Variants in RALYL observed in about 807,000 individuals in gnomAD.
RALYL encodes RALY RNA binding protein like, also known as RNA-binding Raly-like protein.
In RALYL, 29 loss-of-function variants were observed where a neutral mutation model predicts 35.1. The observed-to-expected ratio is 0.83, with a 90% CI of 0.61 to 1.13. The LOEUF is 1.13. RALYL is among the 50% of genes most tolerant of loss of function. The pLI, the probability that RALYL is intolerant of heterozygous loss-of-function variation, is 0.00. For missense variants in RALYL, 359 were observed against 360.4 expected (o/e 1.00, Z 0.03); for synonymous variants, 120 against 127.6 (o/e 0.94, Z 0.40).
In RALYL at chr8:84,486,876, A is replaced by G. The variant is rs117785965; in HGVS notation, c.-23-42423A>G. ...TAAAAAATTTGTAAGTGTACTCTAC[A>G]GAATTGTTAATTATAGGAATAATGT... On this transcript the variant is annotated intron_variant, in intron 1 of 8. Coordinates refer to ENST00000521268, the MANE Select transcript of RALYL (RefSeq NM_173848.7). Among the ~76,000 whole-genome samples, 341 of 152,232 alleles carry G rather than the reference A, an allele frequency of 2.2e-3. 4 individuals are homozygous for G. The East Asian group carries it at 0.041, about 18-fold the overall frequency.
chr8:84,892,676 A>G (rs1357796542), intron 8 of RALYL, among the ~76,000 whole-genome samples: 1 of 151,786 alleles, frequency 6.6e-6, no homozygotes, highest in Non-Finnish European at 1.5e-5. Flanking sequence ...CGTTGTGCAC[A>G]TGTACCCTAA....
intron 2 of RALYL, among the ~76,000 whole-genome samples, chr8:84,672,075 C>T (rs763137612): frequency 1.7e-4 from 26 of 152,306 alleles, no homozygotes; most frequent in South Asian, 1.2e-3. Flanking sequence ...ACCCAAGTCA[C>T]ATCTCTAATA....
At chr8:84,336,968 ACACTACTAGTGTTTGTATT>A (rs370479499) in intron 1 of RALYL, among the ~76,000 whole-genome samples, 4,400 of 151,288 alleles carry the variant, frequency 0.029, 110 homozygotes, top group Non-Finnish European at 0.035. Context: ...GGAAATCTGC[ACACTACTAGTGTTTGTATT>A]CATATTTTTT....
intron 2 of RALYL, among the ~76,000 whole-genome samples, chr8:84,728,878 C>A (rs953001860): frequency 9.2e-5 from 14 of 152,082 alleles, no homozygotes; most frequent in African/African-American, 2.4e-4. Context: ...GTTACTGTAG[C>A]CTTGTAGTGT....
intron 8 of RALYL, among the ~76,000 whole-genome samples, chr8:84,901,432 A>T (rs1022545209): frequency 1.3e-5 from 2 of 152,162 alleles, no homozygotes; most frequent in Non-Finnish European, 2.9e-5. Flanking sequence ...CCAGAGCTAC[A>T]TTTTTACATT....
intron 1 of RALYL, among the ~76,000 whole-genome samples, chr8:84,417,925 G>T (rs994658607): frequency 6.6e-6 from 1 of 152,012 alleles, no homozygotes; most frequent in African/African-American, 2.4e-5. Flanking sequence ...TTCTCTATTT[G>T]GTTCTTCTTT....
intron 2 of RALYL, among the ~76,000 whole-genome samples, chr8:84,611,975 TTAAA>T (rs1174185306): frequency 2.0e-5 from 3 of 152,140 alleles, no homozygotes; most frequent in Admixed American, 6.6e-5. Context: ...CTCCATTTTT[TTAAA>T]TAAATTTACT....
In RALYL at chr8:84,545,763, C is replaced by T. The variant is rs568868767; in HGVS notation, c.256+16186C>T. On this transcript the variant is annotated intron_variant, in intron 2 of 8. Transcript: ENST00000521268. Reference sequence around the variant, plus strand: ...GTTTTCATATATGAATGCTACTGAGCTTTGGGGGAGTAATATTATAATGAC... The same window carrying T: ...GTTTTCATATATGAATGCTACTGAGTTTTGGGGGAGTAATATTATAATGAC... 5.3e-5 allele frequency among the ~76,000 whole-genome samples: 8 copies of T among 152,076 alleles called. No individual in the cohort carries two copies. In the East Asian group the frequency reaches 1.5e-3, roughly 29 times the overall value.
chr8:84,605,802 G>C (rs1816997312), intron 2 of RALYL, among the ~76,000 whole-genome samples: 1 of 152,030 alleles, frequency 6.6e-6, no homozygotes, highest in African/African-American at 2.4e-5. Flanking sequence ...TTACATACTG[G>C]GGGAGAACAC....
chr8:84,556,613 A>T (rs146483915), intron 2 of RALYL, among the ~76,000 whole-genome samples: 15 of 152,312 alleles, frequency 9.8e-5, no homozygotes, highest in African/African-American at 3.1e-4. Context: ...CCTTGTAATG[A>T]CTTTTTGTAG....
intron 8 of RALYL, among the ~76,000 whole-genome samples, chr8:84,911,190 G>A (rs1490549176): frequency 6.6e-6 from 1 of 151,904 alleles, no homozygotes; most frequent in Non-Finnish European, 1.5e-5. Context: ...GAAATCTGAG[G>A]CTTAATTTCC....
intron 4 of RALYL, among the ~76,000 whole-genome samples, chr8:84,824,048 A>G (rs913367287): frequency 3.9e-5 from 6 of 152,162 alleles, no homozygotes; most frequent in Non-Finnish European, 4.4e-5. Flanking sequence ...CAAGTCATAC[A>G]TATGGGAAAA....
At chr8:84,330,717 C>T (rs182720891) in intron 1 of RALYL, among the ~76,000 whole-genome samples, 8 of 151,972 alleles carry the variant, frequency 5.3e-5, no homozygotes, top group Admixed American at 2.6e-4. Flanking sequence ...AAATTCTACC[C>T]GACTCACTTC....
At chr8:84,299,032 A>T (rs976224088) in intron 1 of RALYL, among the ~76,000 whole-genome samples, 6 of 151,908 alleles carry the variant, frequency 3.9e-5, no homozygotes, top group Admixed American at 6.6e-5. Context: ...CTCTGTTTCT[A>T]TTTGGATGCC....
intron 8 of RALYL, among the ~76,000 whole-genome samples, chr8:84,899,499 G>T (rs1222383278): frequency 2.6e-5 from 4 of 152,010 alleles, no homozygotes; most frequent in Non-Finnish European, 4.4e-5. Context: ...TTTATTGTCT[G>T]TCATAATCAG....
chr8:84,663,140 A>C (rs1463451255), intron 2 of RALYL, among the ~76,000 whole-genome samples: 2 of 152,146 alleles, frequency 1.3e-5, no homozygotes, highest in Non-Finnish European at 2.9e-5. Context: ...AGCTCCATCC[A>C]TGTCCCTGCA....
chr8:84,767,035 T>A (rs1814263646), intron 2 of RALYL, among the ~76,000 whole-genome samples: 1 of 152,076 alleles, frequency 6.6e-6, no homozygotes. Context: ...GAGAGTCACA[T>A]CTATTTGGGT....
Position 84,889,508 on chromosome 8 carries a change from A to G in RALYL, c.858+1732A>G, listed in dbSNP as rs1369848623. Among the ~76,000 whole-genome samples, 3 of 152,240 alleles carry G rather than the reference A, an allele frequency of 2.0e-5. No homozygotes were observed. In the East Asian group the frequency reaches 5.8e-4, roughly 29 times the overall value. ...TTTTCCCTCCATGCTCCCACTTTAA[A>G]TATTGGGTAGCTCAGGGTTTTGTCT... On this transcript the variant is annotated intron_variant, in intron 8 of 8. Coordinates refer to ENST00000521268, the MANE Select transcript of RALYL (RefSeq NM_173848.7).
At chr8:84,290,621 G>C (rs188147153) in intron 1 of RALYL, among the ~76,000 whole-genome samples, 1 of 152,070 alleles carries the variant, frequency 6.6e-6, no homozygotes, top group Non-Finnish European at 1.5e-5. Context: ...TTTTGTGGTG[G>C]AATGTCATCA....
Sources: gnomAD v4.1 joint callset for allele counts (sites outside exome capture counted in the v4.1 genomes callset) on GRCh38, gnomAD v4.1.1 for gene constraint, MANE v1.5 for transcripts, NCBI Gene and HGNC (gene_info 2026-07-23, HGNC 2026-07-21) for gene names.